Variants in SIPA1L1 observed in about 807,000 individuals in gnomAD.
SIPA1L1 encodes signal induced proliferation associated 1 like 1, also known as signal-induced proliferation-associated 1-like protein 1.
In SIPA1L1, 26 loss-of-function variants were observed where a neutral mutation model predicts 162.7. The ratio of observed to expected loss-of-function variants is 0.16; its 90% CI spans 0.12 to 0.22. SIPA1L1 has a LOEUF of 0.22. Ranked by LOEUF, SIPA1L1 falls within the 10% of genes least tolerant of loss-of-function variation. The pLI is 1.00. For missense variants in SIPA1L1, 1,874 were observed against 2,241.0 expected (o/e 0.84, Z 3.31); for synonymous variants, 829 against 837.4 (o/e 0.99, Z 0.17).
intron 10 of SIPA1L1, among the ~76,000 whole-genome samples, chr14:71,668,956 C>G (rs2044268723): frequency 6.6e-6 from 1 of 152,166 alleles, no homozygotes; most frequent in South Asian, 2.1e-4. Flanking sequence ...TCTAAATATT[C>G]TGTTTAGCTT....
At chr14:71,428,534 A>G (rs2043751546) in intron 2 of SIPA1L1, among the ~76,000 whole-genome samples, 1 of 151,776 alleles carries the variant, frequency 6.6e-6, no homozygotes, top group Non-Finnish European at 1.5e-5. Context: ...TTTTCCCCAT[A>G]TATGTGGTTG....
At chr14:71,495,886 C>CAAAAAAAAAAAAAAAAAA (rs61183823) in intron 2 of SIPA1L1, among the ~76,000 whole-genome samples, 6 of 37,996 alleles carry the variant, frequency 1.6e-4, no homozygotes, top group African/African-American at 2.8e-4. Context: ...TCCATCTCTA[C>CAAAAAAAAAAAAAAAAAA]AAAAAAAAAA....
chr14:71,480,586 A>AC (rs1465928070), intron 2 of SIPA1L1, among the ~76,000 whole-genome samples: 3 of 151,508 alleles, frequency 2.0e-5, no homozygotes, highest in South Asian at 2.1e-4. Context: ...ACATGGTGAG[A>AC]CCCCGTCTCT....
chr14:71,693,681 C>T (rs1014691975), intron 13 of SIPA1L1, among the ~76,000 whole-genome samples: 5 of 152,090 alleles, frequency 3.3e-5, no homozygotes, highest in Admixed American at 2.6e-4. Context: ...ACCCAAATTA[C>T]ATCACCTTGA....
At chr14:71,501,857 C>T (rs1241621081) in intron 2 of SIPA1L1, among the ~76,000 whole-genome samples, 4 of 151,816 alleles carry the variant, frequency 2.6e-5, no homozygotes, top group Non-Finnish European at 5.9e-5. Flanking sequence ...GGCGAAACCC[C>T]GTCTCTACAA....
At chr14:71,466,974 A>G (rs182401212) in intron 2 of SIPA1L1, among the ~76,000 whole-genome samples, 1 of 152,312 alleles carries the variant, frequency 6.6e-6, no homozygotes, top group East Asian at 1.9e-4. Flanking sequence ...TAGATGTAAT[A>G]TTTAAATGAT....
At chr14:71,548,007 T>A (rs2055404160) in intron 4 of SIPA1L1, among the ~76,000 whole-genome samples, 1 of 152,202 alleles carries the variant, frequency 6.6e-6, no homozygotes, top group South Asian at 2.1e-4. Flanking sequence ...AAAGCCATAA[T>A]GACATCACAG....
intron 4 of SIPA1L1, among the ~76,000 whole-genome samples, chr14:71,530,474 T>G (rs1053438825): frequency 6.6e-6 from 1 of 152,200 alleles, no homozygotes; most frequent in Non-Finnish European, 1.5e-5. Context: ...GACTTGTTCT[T>G]TGTGTTTTCT....
intron 2 of SIPA1L1, chr14:71,330,398 T>C: frequency 2.6e-6 from 3 of 1,164,732 alleles, no homozygotes; most frequent in Non-Finnish European, 3.9e-6. Flanking sequence ...ACATGCATGC[T>C]GATTTCACGA....
At chr14:71,668,492 G>T (rs879495882) in intron 10 of SIPA1L1, among the ~76,000 whole-genome samples, 1 of 152,184 alleles carries the variant, frequency 6.6e-6, no homozygotes, top group Non-Finnish European at 1.5e-5. Context: ...CTTCCTGGTC[G>T]CTCAGTGTAC....
intron 2 of SIPA1L1, among the ~76,000 whole-genome samples, chr14:71,479,374 T>TATGTATGTATGTATGC: frequency 6.6e-6 from 1 of 151,782 alleles, no homozygotes; most frequent in African/African-American, 2.4e-5. Flanking sequence ...TGTATGTATG[T>TATGTATGTATGTATGC]GTGTATATAT....
intron 7 of SIPA1L1, among the ~76,000 whole-genome samples, chr14:71,644,138 A>T (rs1353202887): frequency 6.6e-6 from 1 of 151,722 alleles, no homozygotes; most frequent in East Asian, 2.0e-4. Flanking sequence ...GTTGATAGCT[A>T]TGTGGAATCT....
At chr14:71,526,976 G>C (rs1302797235) in intron 3 of SIPA1L1, among the ~76,000 whole-genome samples, 1 of 152,140 alleles carries the variant, frequency 6.6e-6, no homozygotes, top group Non-Finnish European at 1.5e-5. Context: ...CATTGTGTGA[G>C]AGTTGAATTG....
At chr14:71,409,309 T>C (rs1359499185) in intron 2 of SIPA1L1, among the ~76,000 whole-genome samples, 1 of 152,134 alleles carries the variant, frequency 6.6e-6, no homozygotes, top group Non-Finnish European at 1.5e-5. Flanking sequence ...TTTTCCGTGG[T>C]GTGGCTAGAG....
At chr14:71,707,142 C>A (rs1444195169) in intron 16 of SIPA1L1, among the ~76,000 whole-genome samples, 1 of 151,338 alleles carries the variant, frequency 6.6e-6, no homozygotes, top group African/African-American at 2.4e-5. Flanking sequence ...CACGCACACA[C>A]ACACGCACAC....
chr14:71,503,908 A>G (rs12896900), intron 2 of SIPA1L1: 24,728 of 152,064 alleles, frequency 0.16, 2,627 homozygotes, highest in Middle Eastern at 0.35. Flanking sequence ...GGTTCAAGCG[A>G]TTCTTGTGCC....
chr14:71,717,919 C>G (rs370026312), intron 17 of SIPA1L1, among the ~76,000 whole-genome samples: 4 of 152,146 alleles, frequency 2.6e-5, no homozygotes, highest in African/African-American at 9.7e-5. Flanking sequence ...TAACACAAGC[C>G]CAGGATTCCC....
chr14:71,644,728 A>C (rs984167537), intron 7 of SIPA1L1, among the ~76,000 whole-genome samples: 1 of 152,246 alleles, frequency 6.6e-6, no homozygotes, highest in African/African-American at 2.4e-5. Flanking sequence ...GTAAGTTTCC[A>C]AAAATTTAAA....
chr14:71,379,179 A>G (rs2039669686), intron 2 of SIPA1L1, among the ~76,000 whole-genome samples: 1 of 151,278 alleles, frequency 6.6e-6, no homozygotes, highest in Non-Finnish European at 1.5e-5. Flanking sequence ...AATTTTGTTG[A>G]CATCTCATAT....
Sources: gnomAD v4.1 joint callset for allele counts (sites outside exome capture counted in the v4.1 genomes callset) on GRCh38, gnomAD v4.1.1 for gene constraint, MANE v1.5 for transcripts, NCBI Gene and HGNC (gene_info 2026-07-23, HGNC 2026-07-21) for gene names.